Variants in UNC5CL observed in about 807,000 individuals in gnomAD.
The protein encoded by UNC5CL is UNC5C-like protein.
Under a neutral mutation model 54.1 loss-of-function variants are expected in UNC5CL, and 42 were observed. The ratio of observed to expected loss-of-function variants is 0.78; its 90% confidence interval spans 0.61 to 1.00. The LOEUF is 1.00. Among genes scored for constraint, UNC5CL ranks in the 50% least tolerant of loss-of-function variants. The pLI is 0.00. For missense variants in UNC5CL, 619 were observed against 675.6 expected (o/e 0.92, Z 0.93); for synonymous variants, 285 against 285.1 (o/e 1.00, Z 0.00).
At chr6:41,032,771 AAGAG>A (rs1490676533) in intron 4 of UNC5CL, 109 bp downstream of exon 4, 34 of 1,420,788 alleles carry the variant, frequency 2.4e-5, no homozygotes, top group East Asian at 1.3e-4. Flanking sequence ...GGGAAAAAAA[AAGAG>A]AGAGAGACTT....
At chr6:41,032,225 A>G in intron 4 of UNC5CL, 88 bp from the exon 5 acceptor site, 6 of 1,093,648 alleles carry the variant, frequency 5.5e-6, no homozygotes, top group Non-Finnish European at 8.2e-6. Flanking sequence ...TGAGGACAGA[A>G]CAAAGGCAGG....
intron 2 of UNC5CL, among the ~76,000 whole-genome samples, 168 bp downstream of exon 2, chr6:41,034,522 T>A (rs1226696827): frequency 3.9e-5 from 6 of 152,206 alleles, no homozygotes. Context: ...CAGGAAGTTG[T>A]CCCAAAAGAT....
intron 3 of UNC5CL, among the ~76,000 whole-genome samples, 191 bp from the exon 4 acceptor site, chr6:41,033,337 G>T (rs1266735935): frequency 6.6e-6 from 1 of 152,122 alleles, no homozygotes; most frequent in Non-Finnish European, 1.5e-5. Flanking sequence ...AGTGACTGGT[G>T]ACTGAATGGG....
Position 41,028,445 on chromosome 6 carries a change from G to T in UNC5CL, c.1485C>A (p.His495Gln), listed in dbSNP as rs759771505. 3 of 1,613,524 alleles carry T rather than the reference G, an allele frequency of 1.9e-6. No homozygotes were observed. The South Asian group carries it at 3.3e-5, about 18-fold the overall frequency. ...CGCGCTCGGGGCCTGGGCTGCCGCC[G>T]TGTGTCCCACTCAGGTAGTTCTGGA... ...SAIQNYLSGTHGGSPGPERGG... is the reference protein window; with the variant it reads ...SAIQNYLSGTQGGSPGPERGG... Residue 495 changes from histidine to glutamine, a missense_variant, in exon 9 of 9, where the codon CAC (histidine) becomes CAA (glutamine). Transcript: ENST00000244565. This position sits in a 1 kb window ranked among gnomAD's most constrained non-coding sequence, Gnocchi z 4.3.
intron 1 of UNC5CL, among the ~76,000 whole-genome samples, chr6:41,038,924 C>T (rs1201147031): frequency 2.0e-5 from 3 of 152,174 alleles, no homozygotes; most frequent in African/African-American, 7.2e-5. Context: ...ATGGATGGTC[C>T]AAACCCAAGT....
Position 41,027,189 on chromosome 6 carries a change from G to A in UNC5CL, c.*1184C>T, listed in dbSNP as rs1762397456. Reference sequence around the variant, plus strand: ...ATTTCCCAACCCTAAACTGGATCTTGATCCATGGGGAAAATATCCCCACCC... The same window carrying A: ...ATTTCCCAACCCTAAACTGGATCTTAATCCATGGGGAAAATATCCCCACCC... On this transcript the variant is annotated 3_prime_UTR_variant, in exon 9 of 9. Coordinates refer to ENST00000244565, the MANE Select transcript of UNC5CL (RefSeq NM_173561.3). The A allele has an allele frequency of 2.0e-5, 3 of 152,166 alleles. No homozygotes were observed. Among genetic ancestry groups the A allele is most frequent in the Admixed American group, 6.5e-5 (1 of 15,280 alleles). 9.4% of individuals were successfully genotyped at this position (152,166 alleles called of 1,614,324 possible).
rs1337998433 is a variant in UNC5CL, at chr6:41,027,136, T to C, written c.*1237A>G. ...GCTGAATAAGTATCTGCTGACTGAA[T>C]GGGGTGCCTCTTTTATCCCTATCCT... On this transcript the variant is annotated 3_prime_UTR_variant, in exon 9 of 9. Transcript: ENST00000244565. 6.6e-6 allele frequency: 1 copy of C among 152,208 alleles called. No individual in the cohort carries two copies. The highest frequency in any genetic ancestry group is 2.4e-5 in the African/African-American group (1 of 41,450). The allele number at this position is 152,208 out of a possible 1,614,324, so 9.4% of individuals were successfully genotyped here.
intron 1 of UNC5CL, among the ~76,000 whole-genome samples, chr6:41,037,804 G>A (rs570861523): frequency 3.9e-5 from 6 of 152,352 alleles, no homozygotes; most frequent in South Asian, 2.1e-4. Flanking sequence ...GCAAGCTACC[G>A]TTGATGTCCC....
chr6:41,038,446 T>C (rs1762546769), intron 1 of UNC5CL, among the ~76,000 whole-genome samples: 4 of 152,206 alleles, frequency 2.6e-5, no homozygotes. Flanking sequence ...CCTCCGACCC[T>C]GGAGAAGTTG....
In UNC5CL at chr6:41,034,139, A is replaced by G; in HGVS notation, c.428T>C (p.Leu143Pro). ...VGRQERVSLI[L>P]VWDLSDAPSL... ...TGGGGCGTCCGACAGGTCCCACACC[A>G]GGATCAAAGACACCCGCTCCTGGCG... The change falls in exon 3 of 9, where the codon CTG (leucine) becomes CCG (proline). Residue 143 changes from leucine to proline, a missense_variant. By Grantham distance (98) the Leu-to-Pro change is moderately conservative. Coordinates refer to ENST00000244565, the MANE Select transcript of UNC5CL (RefSeq NM_173561.3). 6.2e-7 allele frequency: 1 copy of G among 1,612,870 alleles called. No homozygotes were observed. Among genetic ancestry groups the G allele is most frequent in the Non-Finnish European group, 8.5e-7 (1 of 1,179,210 alleles).
intron 4 of UNC5CL, among the ~76,000 whole-genome samples, chr6:41,032,415 T>C (rs929976483): frequency 6.6e-6 from 1 of 152,040 alleles, no homozygotes; most frequent in African/African-American, 2.4e-5. Context: ...GACAGCAGAG[T>C]GGTCAAAGCC....
rs747272753 is a variant in UNC5CL, at chr6:41,033,110, G to A, written c.723C>T (p.Arg241=). The A allele has an allele frequency of 8.1e-6, 13 of 1,612,526 alleles. No homozygotes were observed. Among genetic ancestry groups the A allele is most frequent in the Admixed American group, 6.7e-5 (4 of 59,784 alleles). Residue 241 remains arginine (R), a synonymous_variant, in exon 4 of 9, where the codon CGC becomes CGT. Coordinates refer to ENST00000244565, the MANE Select transcript of UNC5CL (RefSeq NM_173561.3). The part of the protein sequence containing the change: ...YTCVLEAPVG[R]EARKWLQLAV... The stretch of plus-strand genomic sequence containing the variant: ...CCAGCTGCAGCCATTTGCGGGCTTC[G>A]CGCCCCACAGGTGCCTCCAGCACAC...
chr6:41,030,350 C>T, intron 8 of UNC5CL, 38 bp downstream of exon 8: 1 of 1,602,198 alleles, frequency 6.2e-7, no homozygotes, highest in Non-Finnish European at 8.6e-7. Context: ...TCCAGCCCAC[C>T]CTCCTCTACC....
chr6:41,030,375 C>G lies in UNC5CL; in HGVS notation c.1334+13G>C. The G allele has an allele frequency of 5.0e-6, 8 of 1,613,634 alleles. No homozygotes were observed. Among genetic ancestry groups the G allele is most frequent in the South Asian group, 1.1e-5 (1 of 91,072 alleles). On this transcript the variant is annotated intron_variant, in intron 8 of 8. Coordinates refer to ENST00000244565, the MANE Select transcript of UNC5CL (RefSeq NM_173561.3). ...CCTCCTCTACCATCCACAGACCTCA[C>G]CCCTCTTCCTACCGGATCTTCATGC...
At chr6:41,035,212 T>A in intron 1 of UNC5CL, 77 bp from the exon 2 acceptor site, 1 of 1,126,342 alleles carries the variant, frequency 8.9e-7, no homozygotes, top group Non-Finnish European at 1.2e-6. Flanking sequence ...TACACATAGC[T>A]GCAAGTTGTC....
intron 1 of UNC5CL, among the ~76,000 whole-genome samples, chr6:41,038,148 C>T (rs571527938): frequency 1.6e-4 from 25 of 152,184 alleles, no homozygotes; most frequent in Non-Finnish European, 2.4e-4. Flanking sequence ...ATCTTCCTTT[C>T]CTTCTCTAGA....
intron 2 of UNC5CL, 64 bp from the exon 3 acceptor site, chr6:41,034,245 G>T: frequency 6.6e-7 from 1 of 1,517,702 alleles, no homozygotes; most frequent in Non-Finnish European, 8.8e-7. Flanking sequence ...CCCTGAAAGA[G>T]GCCAGGCCAG....
At chr6:41,030,796 A>G in intron 6 of UNC5CL, 41 bp from the exon 7 acceptor site, 2 of 1,583,820 alleles carry the variant, frequency 1.3e-6, no homozygotes, top group Non-Finnish European at 1.7e-6. Flanking sequence ...AGGGGTCACA[A>G]GCCATCCCCC....
Position 41,028,622 on chromosome 6 carries a change from A to G in UNC5CL, c.1335-27T>C, listed in dbSNP as rs1227840829. The stretch of plus-strand genomic sequence containing the variant: ...TGGCCCGAGGTAGGGGAGGAAGAGA[A>G]GGGTGTAGGAGCAGGGAGGGGCTCC... On this transcript the variant is annotated intron_variant, in intron 8 of 8. Coordinates refer to ENST00000244565, the MANE Select transcript of UNC5CL (RefSeq NM_173561.3). The surrounding 1 kb of genome is among the most constrained non-coding windows in gnomAD (Gnocchi z 4.3). The G allele has an allele frequency of 1.2e-6, 2 of 1,603,920 alleles. No homozygotes were observed. Among genetic ancestry groups the G allele is most frequent in the East Asian group, 2.2e-5 (1 of 44,684 alleles).
Sources: allele counts gnomAD v4.1 joint callset (sites outside exome capture counted in the v4.1 genomes callset), GRCh38; gene constraint gnomAD v4.1.1; non-coding constraint Gnocchi (gnomAD v3.1); transcripts MANE v1.5; gene names NCBI Gene and HGNC (gene_info 2026-07-23, HGNC 2026-07-21).